The following FGFR1OP2 variants were observed in gnomAD, a reference collection of about 807,000 sequenced individuals.
FGFR1OP2 encodes fibroblast growth factor receptor 1 oncogene partner 2.
FGFR1OP2 carries 17 observed loss-of-function variants against 35.2 expected under a neutral mutation model. The observed-to-expected ratio is 0.48, with a 90% CI of 0.33 to 0.73. FGFR1OP2 has a LOEUF of 0.73. Among genes scored for constraint, FGFR1OP2 ranks in the 30% least tolerant of loss-of-function variants. The probability of loss-of-function intolerance (pLI) is 0.02; values close to 1 mark genes in which losing one functional copy is unlikely to be tolerated. For missense variants in FGFR1OP2, 251 were observed against 307.3 expected (o/e 0.82, Z 1.37); for synonymous variants, 105 against 104.6 (o/e 1.00, Z -0.03).
At chr12:26,950,213 G>GTTTGTTTTTTTTTTT (rs1938899353) in intron 1 of FGFR1OP2, among the ~76,000 whole-genome samples, 1 of 50,934 alleles carries the variant, frequency 2.0e-5, no homozygotes, top group African/African-American at 8.1e-5. Flanking sequence ...TGTATTCGTT[G>GTTTGTTTTTTTTTTT]TTTTTTTTTT....
At chr12:26,950,380 G>T (rs1184839) in intron 1 of FGFR1OP2, among the ~76,000 whole-genome samples, 3 of 151,390 alleles carry the variant, frequency 2.0e-5, no homozygotes, top group Non-Finnish European at 4.4e-5. Flanking sequence ...ATGCCACTAC[G>T]CCCGGCTAAT....
At chr12:26,950,584 A>G (rs1938912088) in intron 1 of FGFR1OP2, among the ~76,000 whole-genome samples, 1 of 152,172 alleles carries the variant, frequency 6.6e-6, no homozygotes. Flanking sequence ...AGCATTTCAG[A>G]GAAGTGGATT....
chr12:26,956,905 T>G (rs889750606), intron 3 of FGFR1OP2, among the ~76,000 whole-genome samples: 1 of 152,186 alleles, frequency 6.6e-6, no homozygotes. Flanking sequence ...ATGTCCAAAC[T>G]GATCTCCCTG....
chr12:26,960,261 G>C (rs1205569055), intron 4 of FGFR1OP2, among the ~76,000 whole-genome samples: 1 of 152,116 alleles, frequency 6.6e-6, no homozygotes, highest in Non-Finnish European at 1.5e-5. Flanking sequence ...AGATCCTTTT[G>C]AGACTGTTAT....
chr12:26,938,876 C>T (rs1333983105), intron 1 of FGFR1OP2, among the ~76,000 whole-genome samples, 166 bp downstream of exon 1: 1 of 152,080 alleles, frequency 6.6e-6, no homozygotes, highest in East Asian at 1.9e-4. Flanking sequence ...GCCGGACTTC[C>T]TCTCCGCGCC....
chr12:26,943,791 C>T (rs1938776184), intron 1 of FGFR1OP2, among the ~76,000 whole-genome samples: 2 of 152,170 alleles, frequency 1.3e-5, no homozygotes, highest in African/African-American at 4.8e-5. Flanking sequence ...TACCGCTGCA[C>T]TCCAGCAGCC....
At chr12:26,963,741 T>G (rs988874063) in intron 6 of FGFR1OP2, among the ~76,000 whole-genome samples, 2 of 152,182 alleles carry the variant, frequency 1.3e-5, no homozygotes, top group East Asian at 1.9e-4. Context: ...TTTTTAAAAT[T>G]TTGTTTATTC....
chr12:26,947,294 C>G (rs1938843467), intron 1 of FGFR1OP2, among the ~76,000 whole-genome samples: 1 of 152,148 alleles, frequency 6.6e-6, no homozygotes, highest in African/African-American at 2.4e-5. Flanking sequence ...AGGTATATCT[C>G]ATTGTGGTTT....
chr12:26,954,795 A>G (rs1279972089), intron 2 of FGFR1OP2, among the ~76,000 whole-genome samples: 2 of 152,238 alleles, frequency 1.3e-5, no homozygotes, highest in South Asian at 2.1e-4. Context: ...TAAAGAATAC[A>G]TAAGGGCTTT....
chr12:26,966,647 G>C lies in FGFR1OP2; in HGVS notation c.*1914G>C, dbSNP rs1418374910. ...TTATTAAAGATGAATGATTAAAATT[G>C]GTATGGTCTCCAATTTAATTTGAAA... On this transcript the variant is annotated 3_prime_UTR_variant, in exon 7 of 7. Coordinates refer to ENST00000229395, the MANE Select transcript of FGFR1OP2 (RefSeq NM_015633.3). 1 of 150,258 alleles carries C rather than the reference G, an allele frequency of 6.7e-6. No homozygotes were observed. The allele number at this position is 150,258 out of a possible 1,614,324, so 9.3% of individuals were successfully genotyped here.
At chr12:26,943,690 T>TG (rs1328181679) in intron 1 of FGFR1OP2, among the ~76,000 whole-genome samples, 4 of 152,134 alleles carry the variant, frequency 2.6e-5, no homozygotes, top group African/African-American at 9.7e-5. Context: ...CTGGGCGTGG[T>TG]GGCGCACGCT....
chr12:26,950,213 G>GTTTTTCTTTTTTTTTTTTTT (rs1938899488), intron 1 of FGFR1OP2, among the ~76,000 whole-genome samples: 1 of 50,934 alleles, frequency 2.0e-5, no homozygotes, highest in African/African-American at 8.1e-5. Context: ...TGTATTCGTT[G>GTTTTTCTTTTTTTTTTTTTT]TTTTTTTTTT....
chr12:26,938,492 G>C lies in FGFR1OP2; in HGVS notation c.-233G>C, dbSNP rs959786886. 6 of 152,410 alleles carry C rather than the reference G, an allele frequency of 3.9e-5. No homozygotes were observed. Among genetic ancestry groups the C allele is most frequent in the South Asian group, 2.1e-4 (1 of 4,832 alleles). The allele number at this position is 152,410 out of a possible 1,614,324, so 9.4% of individuals were successfully genotyped here. On this transcript the variant is annotated 5_prime_UTR_variant, in exon 1 of 7. Transcript: ENST00000229395. The stretch of plus-strand genomic sequence containing the variant: ...TGGAGTTCTCCGGGAGCGCCGGTCG[G>C]AGGCGGTCGGCGGAGGTGTCTACCC...
intron 1 of FGFR1OP2, among the ~76,000 whole-genome samples, chr12:26,946,854 C>CCTA (rs1217360542): frequency 6.6e-6 from 1 of 152,194 alleles, no homozygotes; most frequent in Non-Finnish European, 1.5e-5. Context: ...ATCCCTCAGT[C>CCTA]CTAGACATCC....
chr12:26,943,486 G>C (rs1403492640), intron 1 of FGFR1OP2, among the ~76,000 whole-genome samples: 1 of 152,056 alleles, frequency 6.6e-6, no homozygotes, highest in Non-Finnish European at 1.5e-5. Context: ...AATCTTGCTG[G>C]GACTTTGACT....
rs369150262 is a variant in FGFR1OP2, at chr12:26,957,706, C to T, written c.359C>T (p.Pro120Leu). The T allele has an allele frequency of 8.1e-6, 13 of 1,612,782 alleles. No individual in the cohort carries two copies. The highest frequency in any genetic ancestry group is 1.6e-4 in the Middle Eastern group (1 of 6,078). The change falls in exon 4 of 7, where the codon CCG becomes CTG. Residue 120 changes from proline (P) to leucine (L), a missense_variant. Physicochemically the swap from Pro to Leu is moderately conservative, Grantham distance 98 (BLOSUM62 -3). Coordinates refer to ENST00000229395, the MANE Select transcript of FGFR1OP2 (RefSeq NM_015633.3). ...RLLMASKKDD[P>L]GIIMKLKEQH... ...CTAATGGCTAGCAAAAAAGATGATC[C>T]GGGTATAATAATGAAGTTAAAAGAG...
At chr12:26,947,296 T>C (rs1440646295) in intron 1 of FGFR1OP2, among the ~76,000 whole-genome samples, 1 of 152,188 alleles carries the variant, frequency 6.6e-6, no homozygotes, top group East Asian at 1.9e-4. Context: ...GTATATCTCA[T>C]TGTGGTTTTG....
chr12:26,956,760 G>A lies in FGFR1OP2; in HGVS notation c.253+100G>A, dbSNP rs115900629. 2.5e-3 allele frequency: 1,300 copies of A among 516,700 alleles called. 14 individuals carry two copies. Among genetic ancestry groups the A allele is most frequent in the African/African-American group, 0.024 (1,181 of 49,804 alleles). 32.0% of individuals were successfully genotyped at this position (516,700 alleles called of 1,614,324 possible). The stretch of plus-strand genomic sequence containing the variant: ...CTGTCCCACATATGAACATCTGCCT[G>A]GTTGACATCCTCTTAGATTCTCACC... On this transcript the variant is annotated intron_variant, in intron 3 of 6. Transcript: ENST00000229395.
intron 2 of FGFR1OP2, among the ~76,000 whole-genome samples, chr12:26,954,837 A>T (rs1938993332): frequency 6.6e-6 from 1 of 152,228 alleles, no homozygotes; most frequent in Non-Finnish European, 1.5e-5. Context: ...GTATAACAGA[A>T]TATTCCCATG....
Sources: allele counts gnomAD v4.1 joint callset (sites outside exome capture counted in the v4.1 genomes callset), GRCh38; gene constraint gnomAD v4.1.1; transcripts MANE v1.5; gene names NCBI Gene and HGNC (gene_info 2026-07-23, HGNC 2026-07-21).